The following SLN variants were observed in gnomAD, a reference collection of about 807,000 sequenced individuals.
SLN encodes the protein sarcolipin.
For missense variants in SLN, 34 were observed against 37.4 expected (o/e 0.91, Z 0.24); for synonymous variants, 19 against 14.4 (o/e 1.32, Z -0.72).
chr11:107,708,106 G>C, intron 1 of SLN, 101 bp from the exon 2 acceptor site: 4 of 614,530 alleles, frequency 6.5e-6, no homozygotes, highest in Non-Finnish European at 8.8e-6. Context: ...TGTGGAAAAG[G>C]AGAGTGTGAT....
intron 1 of SLN, 86 bp from the exon 2 acceptor site, chr11:107,708,091 A>G (rs1867174970): frequency 1.6e-6 from 1 of 629,026 alleles, no homozygotes; most frequent in South Asian, 1.9e-5. Flanking sequence ...AGGAAACAGA[A>G]GTGTTGTGGA....
At chr11:107,709,869 GC>G (rs1867194642) in intron 1 of SLN, among the ~76,000 whole-genome samples, 1 of 152,204 alleles carries the variant, frequency 6.6e-6, no homozygotes, top group South Asian at 2.1e-4. Flanking sequence ...TCTAATCCCA[GC>G]CCTTTGGGAG....
rs547136137 is a variant in SLN, at chr11:107,709,266, T to C, written c.-75-1261A>G. 3.9e-5 allele frequency among the ~76,000 whole-genome samples: 6 copies of C among 152,360 alleles called. No individual in the cohort carries two copies. The South Asian group carries it at 1.2e-3, about 32-fold the overall frequency. ...CAGCCTAAATGAAATTAAAGATTTA[T>C]ATATTTTAGATAATTCGATATCTAT... On this transcript the variant is annotated intron_variant, in intron 1 of 1. Coordinates refer to ENST00000305991, the MANE Select transcript of SLN (RefSeq NM_003063.3).
intron 1 of SLN, among the ~76,000 whole-genome samples, chr11:107,711,470 C>T (rs1378015158): frequency 1.3e-5 from 2 of 152,168 alleles, no homozygotes; most frequent in Admixed American, 6.5e-5. Context: ...CTTTCACACA[C>T]ATTTATACAC....
At chr11:107,709,320 T>C (rs1033376232) in intron 1 of SLN, among the ~76,000 whole-genome samples, 1 of 152,236 alleles carries the variant, frequency 6.6e-6, no homozygotes, top group African/African-American at 2.4e-5. Flanking sequence ...CAAAGTCTAC[T>C]GTAGAGTGAA....
Position 107,708,014 on chromosome 11 carries a change from A to C in SLN, c.-75-9T>G. ...TGGCTTCTCCTCACCTCCTGATAAA[A>C]CATAACAAAGAAAACACAAGGAGAT... On this transcript the variant is annotated splice_polypyrimidine_tract_variant and intron_variant, in intron 1 of 1. Coordinates refer to ENST00000305991, the MANE Select transcript of SLN (RefSeq NM_003063.3). The C allele has an allele frequency of 1.1e-6, 1 of 882,224 alleles. No individual in the cohort carries two copies. Among genetic ancestry groups the C allele is most frequent in the Non-Finnish European group, 1.9e-6 (1 of 516,752 alleles). The allele number at this position is 882,224 out of a possible 1,614,324, so 54.6% of individuals were successfully genotyped here. A position where few individuals can be genotyped will look rare whatever the true frequency, so the allele number is the denominator to read the frequency against.
chr11:107,709,721 A>T (rs1056934352), intron 1 of SLN, among the ~76,000 whole-genome samples: 3 of 152,202 alleles, frequency 2.0e-5, no homozygotes, highest in African/African-American at 7.2e-5. Flanking sequence ...GCCAACCAGT[A>T]GATATATAGC....
intron 1 of SLN, among the ~76,000 whole-genome samples, chr11:107,709,265 A>G (rs1474284695): frequency 6.6e-6 from 1 of 152,234 alleles, no homozygotes; most frequent in Non-Finnish European, 1.5e-5. Flanking sequence ...TTAAAGATTT[A>G]TATATTTTAG....
rs1282664936 is a variant in SLN, at chr11:107,707,892, A to T, written c.39T>A (p.Thr13=). 2 of 1,614,024 alleles carry T rather than the reference A, an allele frequency of 1.2e-6. No individual in the cohort carries two copies. Among genetic ancestry groups the T allele is most frequent in the Admixed American group, 3.3e-5 (2 of 59,980 alleles). Residue 13 remains threonine, a synonymous_variant, in exon 2 of 2, where the codon ACT becomes ACA. Coordinates refer to ENST00000305991, the MANE Select transcript of SLN (RefSeq NM_003063.3). The part of the protein sequence containing the change: ...INTRELFLNF[T]IVLITVILMW... ...TAAGAATAACCGTAATCAAGACAAT[A>T]GTGAAGTTGAGAAACAGCTCCCGGG...
intron 1 of SLN, among the ~76,000 whole-genome samples, chr11:107,709,324 G>A (rs1197099822): frequency 2.6e-5 from 4 of 152,216 alleles, no homozygotes. Flanking sequence ...GTCTACTGTA[G>A]AGTGAAAGTT....
At chr11:107,711,226 T>C (rs1419723573) in intron 1 of SLN, among the ~76,000 whole-genome samples, 3 of 152,182 alleles carry the variant, frequency 2.0e-5, no homozygotes, top group Non-Finnish European at 4.4e-5. Context: ...TGTATGTTTA[T>C]GCACTCTTAA....
chr11:107,708,033 A>G (rs1250899343), intron 1 of SLN, 28 bp from the exon 2 acceptor site: 6 of 795,620 alleles, frequency 7.5e-6, no homozygotes, highest in Non-Finnish European at 1.3e-5. Context: ...AGAAAACACA[A>G]GGAGATTAAT....
At chr11:107,708,545 C>T (rs1565405383) in intron 1 of SLN, among the ~76,000 whole-genome samples, 1 of 152,104 alleles carries the variant, frequency 6.6e-6, no homozygotes, top group South Asian at 2.1e-4. Flanking sequence ...CTCAACACAA[C>T]ACATTCTATT....
intron 1 of SLN, among the ~76,000 whole-genome samples, chr11:107,709,063 A>C (rs1257862780): frequency 6.6e-6 from 1 of 152,222 alleles, no homozygotes; most frequent in African/African-American, 2.4e-5. Flanking sequence ...GGCTTGTGCC[A>C]GCTATTTTTA....
At chr11:107,709,052 G>A (rs1232539185) in intron 1 of SLN, among the ~76,000 whole-genome samples, 1 of 152,198 alleles carries the variant, frequency 6.6e-6, no homozygotes, top group Non-Finnish European at 1.5e-5. Context: ...GTTTCAACAA[G>A]GGCTTGTGCC....
intron 1 of SLN, among the ~76,000 whole-genome samples, chr11:107,710,938 C>A (rs1196554826): frequency 6.6e-6 from 1 of 152,058 alleles, no homozygotes; most frequent in African/African-American, 2.4e-5. Flanking sequence ...ATGGGTAGAT[C>A]TCACAAATAT....
In SLN at chr11:107,707,922, T is replaced by C. The variant is rs199608803; in HGVS notation, c.9A>G (p.Ile3Met). The change falls in exon 2 of 2, where the codon ATA becomes ATG. Residue 3 changes from isoleucine to methionine, a missense_variant. Ile to Met is a conservative substitution (Grantham distance 10). Transcript: ENST00000305991. ...AGTTGAGAAACAGCTCCCGGGTGTT[T>C]ATCCCCATTTTCACAGCGGCTTGGT... MG[I>M]NTRELFLNFT... 7.7e-5 allele frequency: 124 copies of C among 1,613,774 alleles called. 2 individuals carry two copies. The Admixed American group carries it at 1.9e-3, about 24-fold the overall frequency.
In SLN at chr11:107,707,784, G is replaced by T; in HGVS notation, c.*51C>A. ...CAGCAGTGGGGTCTCAGGGCATAGA[G>T]CAGGCAGCTCCGGAGCATCTCAGTC... On this transcript the variant is annotated 3_prime_UTR_variant, in exon 2 of 2. Transcript: ENST00000305991. The T allele has an allele frequency of 7.3e-7, 1 of 1,374,470 alleles. No homozygotes were observed. Among genetic ancestry groups the T allele is most frequent in the Middle Eastern group, 2.2e-4 (1 of 4,568 alleles). 85.1% of individuals were successfully genotyped at this position (1,374,470 alleles called of 1,614,324 possible).
rs1867171911 is a variant in SLN, at chr11:107,707,881, A to G, written c.50T>C (p.Ile17Thr). Residue 17 changes from isoleucine (I) to threonine (T), a missense_variant, in exon 2 of 2, where the codon ATT becomes ACT. By Grantham distance (89) the Ile-to-Thr change is moderately conservative (BLOSUM62 -1). Coordinates refer to ENST00000305991, the MANE Select transcript of SLN (RefSeq NM_003063.3). ...AAGGAGCCACATAAGAATAACCGTA[A>G]TCAAGACAATAGTGAAGTTGAGAAA... ...ELFLNFTIVL[I>T]TVILMWLLVR... is the part of the protein sequence containing the mutation. The G allele has an allele frequency of 6.2e-7, 1 of 1,613,922 alleles. No individual in the cohort carries two copies. The highest frequency in any genetic ancestry group is 1.7e-5 in the Admixed American group (1 of 59,952).
Sources: gnomAD v4.1 joint callset for allele counts (sites outside exome capture counted in the v4.1 genomes callset) on GRCh38, gnomAD v4.1.1 for gene constraint, MANE v1.5 for transcripts, NCBI Gene and HGNC (gene_info 2026-07-23, HGNC 2026-07-21) for gene names.